The following SLC25A48 variants were observed in gnomAD, a reference collection of about 807,000 sequenced individuals.
The protein encoded by SLC25A48 is solute carrier family 25 member 48.
Under a neutral mutation model 32.2 loss-of-function variants are expected in SLC25A48, and 29 were observed. The observed-to-expected ratio is 0.90, with a 90% CI of 0.67 to 1.23. The LOEUF is 1.23. Among genes scored for constraint, SLC25A48 ranks in the 50% most tolerant of loss-of-function variants. The probability of loss-of-function intolerance (pLI) is 0.00; values close to 1 mark genes in which losing one functional copy is unlikely to be tolerated. For missense variants in SLC25A48, 399 were observed against 422.7 expected (o/e 0.94, Z 0.49); for synonymous variants, 164 against 172.3 (o/e 0.95, Z 0.38).
In SLC25A48 at chr5:135,871,725, G is replaced by A. The variant is rs369845116; in HGVS notation, c.679+7G>A. On this transcript the variant is annotated splice_region_variant and intron_variant, in intron 5 of 7. Transcript: ENST00000681962. ...CTGGCGGGCGGCATGGCAGGTAAGG[G>A]CAGCAGCAGCTGGAGCCGCACCCCT... is the stretch of plus-strand genomic sequence containing the variant. 4 of 1,610,572 alleles carry A rather than the reference G, an allele frequency of 2.5e-6. No homozygotes were observed. The highest frequency in any genetic ancestry group is 2.5e-6 in the Non-Finnish European group (3 of 1,177,546).
intron 1 of SLC25A48, among the ~76,000 whole-genome samples, chr5:135,621,686 C>T (rs1282205569): frequency 1.3e-5 from 2 of 151,598 alleles, no homozygotes; most frequent in Non-Finnish European, 2.9e-5. Context: ...GCAATTCATC[C>T]ACTACTAAAA....
chr5:135,701,808 A>T (rs1754401776), intron 3 of SLC25A48, among the ~76,000 whole-genome samples: 1 of 152,228 alleles, frequency 6.6e-6, no homozygotes, highest in Non-Finnish European at 1.5e-5. Flanking sequence ...ACCCAGCAAG[A>T]TCAAAAGAGA....
chr5:135,854,916 A>T (rs1374843377), intron 4 of SLC25A48, among the ~76,000 whole-genome samples: 1 of 152,220 alleles, frequency 6.6e-6, no homozygotes, highest in Admixed American at 6.5e-5. Flanking sequence ...TGACTTGAAC[A>T]CTTAGAGGTC....
chr5:135,592,684 A>T (rs1430707248), intron 1 of SLC25A48, among the ~76,000 whole-genome samples: 1 of 152,104 alleles, frequency 6.6e-6, no homozygotes, highest in African/African-American at 2.4e-5. Flanking sequence ...AGAGAGAGAC[A>T]GTGAGAGAGA....
rs369821554 is a variant in SLC25A48, at chr5:135,711,700, G to A, written c.-521+76744G>A. 1.5e-4 allele frequency among the ~76,000 whole-genome samples: 23 copies of A among 152,276 alleles called. No individual in the cohort carries two copies. The East Asian group carries it at 2.1e-3, about 14-fold the overall frequency. ...CTACTGATCCCAAAGTCTTTCCAGC[G>A]CATTAAAATCTGTCCATCCTTTTGT... On this transcript the variant is annotated intron_variant, in intron 3 of 10. Coordinates refer to the SLC25A48 transcript ENST00000646290.
At chr5:135,695,784 C>A (rs967604615) in intron 3 of SLC25A48, among the ~76,000 whole-genome samples, 1 of 152,232 alleles carries the variant, frequency 6.6e-6, no homozygotes, top group South Asian at 2.1e-4. Context: ...CCTGCCCCGA[C>A]CTTCTCTCCA....
intron 3 of SLC25A48, among the ~76,000 whole-genome samples, chr5:135,696,896 G>T (rs1028557589): frequency 1.3e-5 from 2 of 152,110 alleles, no homozygotes; most frequent in Admixed American, 1.3e-4. Context: ...GCTGGGAAAG[G>T]GCCCCTGGGG....
At chr5:135,869,133 C>G (rs1761449381) in intron 4 of SLC25A48, among the ~76,000 whole-genome samples, 1 of 152,022 alleles carries the variant, frequency 6.6e-6, no homozygotes, top group South Asian at 2.1e-4. Context: ...TACTATTTTG[C>G]TTTTTATACT....
intron 1 of SLC25A48, among the ~76,000 whole-genome samples, chr5:135,619,092 C>A (rs1262848680): frequency 6.6e-6 from 1 of 151,992 alleles, no homozygotes; most frequent in Non-Finnish European, 1.5e-5. Context: ...TTTTATAACT[C>A]TTTTGTTTTC....
intron 1 of SLC25A48, among the ~76,000 whole-genome samples, chr5:135,615,720 ACTG>A (rs1752170911): frequency 6.6e-6 from 1 of 152,256 alleles, no homozygotes; most frequent in Admixed American, 6.5e-5. Flanking sequence ...AGTTTGCATA[ACTG>A]AAGTTTGCAT....
intron 4 of SLC25A48, among the ~76,000 whole-genome samples, chr5:135,866,102 C>G (rs1761182088): frequency 6.6e-6 from 1 of 152,146 alleles, no homozygotes; most frequent in South Asian, 2.1e-4. Context: ...GACTAGTGAC[C>G]CATAGGGCCT....
chr5:135,738,030 G>A (rs1220232622), intron 3 of SLC25A48, among the ~76,000 whole-genome samples: 1 of 152,066 alleles, frequency 6.6e-6, no homozygotes, highest in Non-Finnish European at 1.5e-5. Flanking sequence ...AATGATCCAC[G>A]GGGAAATGAC....
At chr5:135,729,137 A>G (rs1379005348) in intron 3 of SLC25A48, among the ~76,000 whole-genome samples, 1 of 152,136 alleles carries the variant, frequency 6.6e-6, no homozygotes, top group South Asian at 2.1e-4. Flanking sequence ...GAAAGGAGGT[A>G]CATGGGGACT....
intron 7 of SLC25A48, among the ~76,000 whole-genome samples, chr5:135,886,209 T>C (rs997632937): frequency 2.0e-5 from 3 of 152,122 alleles, no homozygotes; most frequent in Non-Finnish European, 4.4e-5. Context: ...GAGCTAGGGC[T>C]CCCTGCTGGA....
At chr5:135,819,024 C>T (rs1170160861) in intron 4 of SLC25A48, among the ~76,000 whole-genome samples, 2 of 151,490 alleles carry the variant, frequency 1.3e-5, no homozygotes, top group East Asian at 3.9e-4. Context: ...ATGATTTACA[C>T]AATCTGAAGG....
intron 3 of SLC25A48, among the ~76,000 whole-genome samples, chr5:135,698,153 C>T (rs1257119162): frequency 3.3e-5 from 5 of 152,210 alleles, no homozygotes; most frequent in East Asian, 3.9e-4. Context: ...CTGGGCTTCA[C>T]GGGGGTGAGG....
intron 7 of SLC25A48, among the ~76,000 whole-genome samples, chr5:135,886,453 C>A (rs1174881243): frequency 6.6e-6 from 1 of 151,110 alleles, no homozygotes; most frequent in African/African-American, 2.4e-5. Context: ...CATGAGGTAG[C>A]CAGATCTGGG....
chr5:135,810,003 C>T (rs781736218), intron 3 of SLC25A48, among the ~76,000 whole-genome samples: 9 of 152,084 alleles, frequency 5.9e-5, no homozygotes, highest in Non-Finnish European at 8.8e-5. Context: ...GTGCCCAGCT[C>T]GTTTTAAAAT....
chr5:135,638,122 T>A (rs1362886580), intron 3 of SLC25A48, among the ~76,000 whole-genome samples: 3 of 152,234 alleles, frequency 2.0e-5, no homozygotes, highest in African/African-American at 7.2e-5. Flanking sequence ...GCTGCAATTG[T>A]GTTTTGAAGC....
Sources: allele counts gnomAD v4.1 joint callset (sites outside exome capture counted in the v4.1 genomes callset), GRCh38; gene constraint gnomAD v4.1.1; transcripts MANE v1.5; gene names NCBI Gene and HGNC (gene_info 2026-07-23, HGNC 2026-07-21).